Variants in SGSM1 observed in about 807,000 individuals in gnomAD.
The protein encoded by SGSM1 is small G protein signaling modulator 1, also known as RUN and TBC1 domain containing 2.
SGSM1 carries 73 observed loss-of-function variants against 133.8 expected under a neutral mutation model. The observed-to-expected ratio is 0.55, with a 90% confidence interval of 0.45 to 0.66. The LOEUF (loss-of-function observed/expected upper bound fraction) is 0.66. Ranked by LOEUF, SGSM1 falls within the 30% of genes least tolerant of loss-of-function variation. The pLI, the probability that SGSM1 is intolerant of heterozygous loss-of-function variation, is 0.00. For synonymous variants in SGSM1, 563 were observed against 573.0 expected, an observed-to-expected ratio of 0.98 and a Z score of 0.25; for missense variants, 1,213 against 1,448.1, an observed-to-expected ratio of 0.84 and a Z score of 2.64.
At chr22:24,883,939 T>C in intron 14 of SGSM1, 114 bp from the exon 15 acceptor site, 2 of 1,333,614 alleles carry the variant, frequency 1.5e-6, no homozygotes, top group Non-Finnish European at 2.0e-6. Context: ...AGACTCTGTC[T>C]CAAAACAAAA....
Position 24,867,107 on chromosome 22 carries a change from A to G in SGSM1, c.941A>G (p.Tyr314Cys). The G allele has an allele frequency of 1.2e-6, 2 of 1,613,810 alleles. No individual in the cohort carries two copies. The highest frequency in any genetic ancestry group is 1.1e-5 in the South Asian group (1 of 91,040). The change falls in exon 10 of 25, where the codon TAT becomes TGT. Residue 314 changes from tyrosine (Y) to cysteine (C), a missense_variant. Coordinates refer to ENST00000400358, the MANE Select transcript of SGSM1 (RefSeq NM_001098497.3). ...TCCGCTTCCAGCGTCTACTGGGACT[A>G]TGCCATGACCATCCGCTTGGAGGAG... ...LDYEKSVYWD[Y>C]AMTIRLEEIV...
chr22:24,862,966 C>T (rs935604077), intron 9 of SGSM1, among the ~76,000 whole-genome samples: 3 of 152,162 alleles, frequency 2.0e-5, no homozygotes, highest in East Asian at 1.9e-4. Flanking sequence ...GCTTTCACAG[C>T]GCGAGGACCC....
chr22:24,806,564 TG>T (rs1927400960), intron 2 of SGSM1, 80 bp downstream of exon 2: 1 of 1,441,106 alleles, frequency 6.9e-7, no homozygotes, highest in Admixed American at 3.0e-5. Context: ...CGTGGAAGGG[TG>T]GCCTCTGGCG....
At chr22:24,869,231 G>A (rs929098309) in intron 12 of SGSM1, among the ~76,000 whole-genome samples, 5 of 152,180 alleles carry the variant, frequency 3.3e-5, no homozygotes, top group African/African-American at 1.2e-4. Context: ...AGGCGGCCGG[G>A]CATGGTGGCT....
chr22:24,902,880 AG>A (rs1382561044), intron 20 of SGSM1, among the ~76,000 whole-genome samples: 1 of 152,118 alleles, frequency 6.6e-6, no homozygotes, highest in African/African-American at 2.4e-5. Flanking sequence ...TCTCTACAAA[AG>A]TTTTAATAAA....
chr22:24,884,119 T>G lies in SGSM1; in HGVS notation c.1562T>G (p.Ile521Ser), dbSNP rs1417654938. ...CTATCAGCCCTGGTCAATCACATGA[T>G]CGTGTCTCCAGACTTGCCCTGCGAT... ...THLSALVNHM[I>S]VSPDLPCDAG... Residue 521 changes from isoleucine (I) to serine (S), a missense_variant, in exon 15 of 25, where the codon ATC (isoleucine) becomes AGC (serine). Physicochemically the swap from Ile to Ser is moderately radical, Grantham distance 142. Coordinates refer to ENST00000400358, the MANE Select transcript of SGSM1 (RefSeq NM_001098497.3). The G allele has an allele frequency of 6.2e-7, 1 of 1,613,702 alleles. No individual in the cohort carries two copies. Among genetic ancestry groups the G allele is most frequent in the Admixed American group, 1.7e-5 (1 of 59,988 alleles).
chr22:24,863,928 A>G (rs571210515), intron 9 of SGSM1, among the ~76,000 whole-genome samples: 1 of 151,606 alleles, frequency 6.6e-6, no homozygotes, highest in Non-Finnish European at 1.5e-5. Context: ...TTTAGTAGAG[A>G]CGGGGTTTTT....
chr22:24,830,914 G>T (rs540295498), intron 2 of SGSM1, among the ~76,000 whole-genome samples: 1 of 152,044 alleles, frequency 6.6e-6, no homozygotes, highest in Non-Finnish European at 1.5e-5. Context: ...TGACCCTCTG[G>T]CTCACTGCAC....
At chr22:24,835,876 C>CGTG in intron 2 of SGSM1, among the ~76,000 whole-genome samples, 1 of 152,072 alleles carries the variant, frequency 6.6e-6, no homozygotes, top group Admixed American at 6.5e-5. Context: ...AGAGGAGGGA[C>CGTG]GTGGTTTGAT....
intron 2 of SGSM1, among the ~76,000 whole-genome samples, chr22:24,812,450 G>T (rs1485457580): frequency 6.6e-6 from 1 of 152,146 alleles, no homozygotes; most frequent in Middle Eastern, 3.2e-3. Flanking sequence ...AGATCTAGGG[G>T]GATGGCCTCA....
intron 8 of SGSM1, among the ~76,000 whole-genome samples, chr22:24,857,837 C>T (rs939151478): frequency 2.0e-5 from 3 of 152,230 alleles, no homozygotes; most frequent in African/African-American, 4.8e-5. Context: ...TGAGTGGTTG[C>T]AGCTGAGCTT....
chr22:24,831,939 T>G (rs1929141826), intron 2 of SGSM1, among the ~76,000 whole-genome samples: 1 of 152,224 alleles, frequency 6.6e-6, no homozygotes, highest in South Asian at 2.1e-4. Flanking sequence ...GTTGTATCAC[T>G]GAGTCCTAGA....
At chr22:24,906,576 C>A (rs1933387735) in intron 21 of SGSM1, among the ~76,000 whole-genome samples, 1 of 152,204 alleles carries the variant, frequency 6.6e-6, no homozygotes, top group African/African-American at 2.4e-5. Context: ...TTTCCATACA[C>A]TTGAAATGAA....
intron 2 of SGSM1, among the ~76,000 whole-genome samples, chr22:24,842,409 C>T (rs747123374): frequency 2.0e-5 from 3 of 152,144 alleles, no homozygotes; most frequent in Non-Finnish European, 2.9e-5. Flanking sequence ...CTATTATCCA[C>T]AATTATGGTT....
chr22:24,812,382 G>T (rs1169572738), intron 2 of SGSM1, among the ~76,000 whole-genome samples: 2 of 152,060 alleles, frequency 1.3e-5, no homozygotes, highest in East Asian at 1.9e-4. Flanking sequence ...TATGCAGCTC[G>T]CTTTAAGGTC....
At chr22:24,907,720 C>T (rs977828485) in intron 21 of SGSM1, among the ~76,000 whole-genome samples, 3 of 151,452 alleles carry the variant, frequency 2.0e-5, no homozygotes, top group African/African-American at 4.9e-5. Context: ...GTCAGGAGAT[C>T]GAGACCATGG....
chr22:24,881,136 T>G (rs1932291137), intron 14 of SGSM1, among the ~76,000 whole-genome samples: 1 of 131,354 alleles, frequency 7.6e-6, no homozygotes, highest in Non-Finnish European at 1.6e-5. Flanking sequence ...GAGGTTGCAG[T>G]GAGCCAAGAT....
At chr22:24,885,801 C>T (rs901624088) in intron 15 of SGSM1, among the ~76,000 whole-genome samples, 1 of 151,780 alleles carries the variant, frequency 6.6e-6, no homozygotes, top group Non-Finnish European at 1.5e-5. Context: ...TGTAGGGACG[C>T]ATGTTCACCC....
intron 21 of SGSM1, among the ~76,000 whole-genome samples, chr22:24,909,807 A>T (rs1326134024): frequency 6.6e-6 from 1 of 152,194 alleles, no homozygotes; most frequent in Admixed American, 6.5e-5. Flanking sequence ...TAATAAACAT[A>T]GAGTTATCAT....
Sources: allele counts gnomAD v4.1 joint callset (sites outside exome capture counted in the v4.1 genomes callset), GRCh38; gene constraint gnomAD v4.1.1; transcripts MANE v1.5; gene names NCBI Gene and HGNC (gene_info 2026-07-23, HGNC 2026-07-21).